The following NREP variants were observed in gnomAD, a reference collection of about 807,000 sequenced individuals.
NREP encodes neuronal regeneration-related protein.
In NREP, 5 loss-of-function variants were observed where a neutral mutation model predicts 8.6. That is an observed-to-expected ratio of 0.58 (90% CI 0.30 to 1.22). NREP has a LOEUF of 1.22. NREP is among the 50% of genes most tolerant of loss of function. The probability of loss-of-function intolerance (pLI) is 0.07; values close to 1 mark genes in which losing one functional copy is unlikely to be tolerated. For synonymous variants in NREP, 27 were observed against 28.0 expected (o/e 0.96, Z 0.11); for missense variants, 86 against 82.5 (o/e 1.04, Z -0.17).
intron 3 of NREP, chr5:111,734,457 T>C (rs555236279): frequency 4.9e-5 from 16 of 324,178 alleles, no homozygotes; most frequent in Non-Finnish European, 7.9e-5. Flanking sequence ...TTCACCTACT[T>C]TCCTGCCAGT....
intron 2 of NREP, among the ~76,000 whole-genome samples, chr5:111,954,072 G>C (rs1184211368): frequency 6.6e-6 from 1 of 152,084 alleles, no homozygotes; most frequent in Admixed American, 6.6e-5. Flanking sequence ...TTGACATTTA[G>C]CTTTCAGCCA....
upstream of NREP, among the ~76,000 whole-genome samples, chr5:111,760,591 C>G (rs1285934021): frequency 6.6e-6 from 1 of 152,130 alleles, no homozygotes; most frequent in East Asian, 1.9e-4. Context: ...TAAATCAGAC[C>G]AGCAGTTCAA....
At chr5:111,890,800 G>A (rs1451606330) in intron 2 of NREP, among the ~76,000 whole-genome samples, 1 of 152,206 alleles carries the variant, frequency 6.6e-6, no homozygotes, top group Non-Finnish European at 1.5e-5. Context: ...GCAGGGTCCT[G>A]GGCCTGACCC....
chr5:111,902,707 A>C (rs1435064954), intron 2 of NREP, among the ~76,000 whole-genome samples: 2 of 152,204 alleles, frequency 1.3e-5, no homozygotes, highest in Non-Finnish European at 2.9e-5. Context: ...AAGCTTTAGC[A>C]GAAAAAATAC....
chr5:111,767,975 G>A (rs1167837603), intron 2 of NREP, among the ~76,000 whole-genome samples: 1 of 152,080 alleles, frequency 6.6e-6, no homozygotes, highest in Admixed American at 6.6e-5. Flanking sequence ...TGTAGTACAT[G>A]TTTAATATGA....
intron 2 of NREP, among the ~76,000 whole-genome samples, chr5:111,883,360 AC>A (rs1307383475): frequency 1.2e-4 from 19 of 152,310 alleles, no homozygotes; most frequent in African/African-American, 4.6e-4. Flanking sequence ...TTAGACTCCC[AC>A]ACAATAATAA....
chr5:111,823,674 T>G (rs1388730340), intron 2 of NREP, among the ~76,000 whole-genome samples: 2 of 152,206 alleles, frequency 1.3e-5, no homozygotes, highest in African/African-American at 4.8e-5. Context: ...GCTATAAGAT[T>G]ATAGTCTAAA....
At chr5:111,732,333 C>T (rs1748666954) in intron 3 of NREP, 1 of 151,880 alleles carries the variant, frequency 6.6e-6, no homozygotes, top group African/African-American at 2.4e-5. Context: ...AAAAGTCTTA[C>T]TTACTGTACA....
intron 3 of NREP, chr5:111,734,620 A>G (rs1232318519): frequency 1.7e-6 from 1 of 577,296 alleles, no homozygotes; most frequent in Admixed American, 2.6e-5. Context: ...GTGTAAATAA[A>G]ATAATTTCTT....
chr5:111,898,269 T>C (rs1374221272), intron 2 of NREP, among the ~76,000 whole-genome samples: 1 of 151,830 alleles, frequency 6.6e-6, no homozygotes, highest in Non-Finnish European at 1.5e-5. Context: ...AGACAAGAGA[T>C]AAAGATGAAT....
At chr5:111,754,331 T>C (rs1373941435) in intron 2 of NREP, among the ~76,000 whole-genome samples, 1 of 152,214 alleles carries the variant, frequency 6.6e-6, no homozygotes, top group African/African-American at 2.4e-5. Flanking sequence ...GCTTGATCTA[T>C]AGAGTTAGTT....
intron 2 of NREP, among the ~76,000 whole-genome samples, chr5:111,902,930 T>C (rs1754680993): frequency 6.6e-6 from 1 of 152,126 alleles, no homozygotes; most frequent in African/African-American, 2.4e-5. Flanking sequence ...TTCTTTGATA[T>C]GGTTAAATTC....
At chr5:111,933,866 G>A (rs997780855) in intron 2 of NREP, among the ~76,000 whole-genome samples, 4 of 152,122 alleles carry the variant, frequency 2.6e-5, no homozygotes, top group African/African-American at 7.2e-5. Flanking sequence ...GATAGTCGCA[G>A]AAACCAGAAA....
chr5:111,959,677 T>C (rs1487996485), intron 2 of NREP, among the ~76,000 whole-genome samples: 1 of 152,016 alleles, frequency 6.6e-6, no homozygotes, highest in African/African-American at 2.4e-5. Context: ...TAAAGAATTA[T>C]GAAAAATGGT....
At chr5:111,804,571 A>C (rs1752091387) in intron 2 of NREP, among the ~76,000 whole-genome samples, 1 of 152,338 alleles carries the variant, frequency 6.6e-6, no homozygotes, top group East Asian at 1.9e-4. Context: ...TTTCATGCAG[A>C]AAATAATTTG....
chr5:111,790,146 T>C (rs1470179105), intron 2 of NREP, among the ~76,000 whole-genome samples: 1 of 152,078 alleles, frequency 6.6e-6, no homozygotes, highest in East Asian at 1.9e-4. Context: ...AAATAATCAA[T>C]ACACATGAAA....
At chr5:111,964,071 C>G (rs914393527) in intron 2 of NREP, among the ~76,000 whole-genome samples, 1 of 152,188 alleles carries the variant, frequency 6.6e-6, no homozygotes, top group African/African-American at 2.4e-5. Flanking sequence ...ACATGCCACT[C>G]CTTTTTGTAC....
chr5:111,883,387 A>C (rs868755317), intron 2 of NREP, among the ~76,000 whole-genome samples: 3,102 of 151,780 alleles, frequency 0.02, 47 homozygotes, highest in South Asian at 0.037. Flanking sequence ...GACTTTAACA[A>C]CCCACTGTCA....
chr5:111,821,366 T>TA (rs368234084), intron 2 of NREP, among the ~76,000 whole-genome samples: 105 of 146,380 alleles, frequency 7.2e-4, no homozygotes, highest in Middle Eastern at 7.0e-3. Flanking sequence ...TTCCCTTCTT[T>TA]AAAAAAAAAA....
Sources: allele counts gnomAD v4.1 joint callset (sites outside exome capture counted in the v4.1 genomes callset), GRCh38; gene constraint gnomAD v4.1.1; transcripts MANE v1.5; gene names NCBI Gene and HGNC (gene_info 2026-07-23, HGNC 2026-07-21).